The following POLR3B variants were observed in gnomAD, a reference collection of about 807,000 sequenced individuals.
POLR3B encodes the protein DNA-directed RNA polymerase III subunit RPC2.
POLR3B carries 96 observed loss-of-function variants against 147.4 expected under a neutral mutation model. The ratio of observed to expected loss-of-function variants is 0.65; its 90% CI spans 0.55 to 0.77. POLR3B has a LOEUF of 0.77. Ranked by LOEUF, POLR3B falls within the 30% of genes least tolerant of loss-of-function variation. The pLI is 0.00. For synonymous variants in POLR3B, 461 were observed against 485.9 expected (o/e 0.95, Z 0.67); for missense variants, 1,036 against 1,413.5 (o/e 0.73, Z 4.28).
intron 10 of POLR3B, among the ~76,000 whole-genome samples, chr12:106,399,622 G>A (rs534364214): frequency 8.1e-4 from 124 of 152,300 alleles, no homozygotes; most frequent in African/African-American, 2.7e-3. Context: ...GACTAACAGC[G>A]GATCTCTCAG....
chr12:106,500,432 A>G (rs2038580538), intron 25 of POLR3B, among the ~76,000 whole-genome samples: 1 of 152,190 alleles, frequency 6.6e-6, no homozygotes, highest in South Asian at 2.1e-4. Flanking sequence ...CAAAGGAGAC[A>G]AAGTGCTTAT....
chr12:106,400,473 A>G (rs533326740), intron 10 of POLR3B, among the ~76,000 whole-genome samples: 1 of 152,336 alleles, frequency 6.6e-6, no homozygotes, highest in South Asian at 2.1e-4. Context: ...CACCAAGTGG[A>G]CCTAATAGAC....
intron 6 of POLR3B, among the ~76,000 whole-genome samples, chr12:106,375,637 A>G (rs1307978025): frequency 6.6e-6 from 1 of 152,208 alleles, no homozygotes; most frequent in Non-Finnish European, 1.5e-5. Flanking sequence ...TTTTTAAGTT[A>G]GTGCTTAAAA....
In POLR3B at chr12:106,509,402, T is replaced by G. The variant is rs113184747; in HGVS notation, c.3273-18T>G. 2.9e-5 allele frequency: 46 copies of G among 1,613,370 alleles called. 1 individual carries two copies. In the African/African-American group the frequency reaches 5.3e-4, roughly 19 times the overall value. On this transcript the variant is annotated intron_variant, in intron 27 of 27. Coordinates refer to ENST00000228347, the MANE Select transcript of POLR3B (RefSeq NM_018082.6). ...TCCGAGTTGCTGTCTGTCTAACGCT[T>G]GCTGACTTGCGTTTCAGGTGCCATT...
Position 106,407,414 on chromosome 12 carries a change from A to G in POLR3B, c.966+1438A>G, listed in dbSNP as rs373671102. Reference sequence around the variant, plus strand: ...ATACGTAAAGCTCTGTATTTTCCACAGCTCCCCATGTAGTTCTCAGGAGCT... The same window carrying G: ...ATACGTAAAGCTCTGTATTTTCCACGGCTCCCCATGTAGTTCTCAGGAGCT... On this transcript the variant is annotated intron_variant, in intron 11 of 27. Transcript: ENST00000228347. 1.0e-3 allele frequency among the ~76,000 whole-genome samples: 155 copies of G among 152,286 alleles called. 2 individuals carry two copies. In the South Asian group the frequency reaches 0.03, roughly 30 times the overall value.
At chr12:106,360,337 T>A (rs879362513) in intron 1 of POLR3B, among the ~76,000 whole-genome samples, 42 of 152,226 alleles carry the variant, frequency 2.8e-4, no homozygotes, top group African/African-American at 9.9e-4. Flanking sequence ...CAGTGCTTAC[T>A]TCTCTAGTCT....
chr12:106,441,782 A>G (rs914617318), intron 18 of POLR3B, among the ~76,000 whole-genome samples: 2 of 152,194 alleles, frequency 1.3e-5, no homozygotes, highest in African/African-American at 4.8e-5. Flanking sequence ...CTTTATACAC[A>G]GTGAATAAGA....
chr12:106,448,682 C>T (rs2037758650), intron 19 of POLR3B, among the ~76,000 whole-genome samples: 1 of 151,726 alleles, frequency 6.6e-6, no homozygotes, highest in Admixed American at 6.6e-5. Flanking sequence ...TCAGGTGATC[C>T]ACCTGCCTTG....
intron 19 of POLR3B, among the ~76,000 whole-genome samples, chr12:106,448,623 A>G (rs903892346): frequency 1.3e-5 from 2 of 150,888 alleles, no homozygotes; most frequent in Non-Finnish European, 3.0e-5. Context: ...GTTTTTTAGT[A>G]GAGACAGGGT....
intron 11 of POLR3B, among the ~76,000 whole-genome samples, chr12:106,406,475 G>T (rs1371245619): frequency 6.6e-6 from 1 of 152,178 alleles, no homozygotes; most frequent in Non-Finnish European, 1.5e-5. Context: ...CTGGACTTAA[G>T]TACATTCACA....
At chr12:106,366,802 C>T in intron 4 of POLR3B, 80 bp downstream of exon 4, 1 of 1,163,934 alleles carries the variant, frequency 8.6e-7, no homozygotes. Flanking sequence ...TATCAAAACT[C>T]TTTTAAAATC....
chr12:106,410,782 A>G lies in POLR3B; in HGVS notation c.967-44A>G, dbSNP rs1302175522. On this transcript the variant is annotated intron_variant, in intron 11 of 27. Coordinates refer to ENST00000228347, the MANE Select transcript of POLR3B (RefSeq NM_018082.6). ...CTTTTCTTGAGGTACGTTAAATTTT[A>G]ATGTCCATTTTCTCAAAATTTTTCT... 5 of 1,565,208 alleles carry G rather than the reference A, an allele frequency of 3.2e-6. No homozygotes were observed. In the Admixed American group the frequency reaches 5.0e-5, roughly 16 times the overall value.
intron 22 of POLR3B, among the ~76,000 whole-genome samples, chr12:106,462,188 T>G (rs752365168): frequency 6.6e-6 from 1 of 152,230 alleles, no homozygotes; most frequent in African/African-American, 2.4e-5. Context: ...CTGGAGTTCT[T>G]GTTAACTGTC....
At chr12:106,399,179 C>T (rs534505105) in intron 10 of POLR3B, among the ~76,000 whole-genome samples, 7 of 152,180 alleles carry the variant, frequency 4.6e-5, no homozygotes, top group African/African-American at 7.2e-5. Context: ...AACTATGTGA[C>T]GAATGCAGAA....
chr12:106,414,988 A>G (rs2037281647), intron 12 of POLR3B, among the ~76,000 whole-genome samples: 2 of 152,194 alleles, frequency 1.3e-5, no homozygotes, highest in Non-Finnish European at 1.5e-5. Context: ...CTGAGCTACG[A>G]ACCTCTATGT....
chr12:106,360,991 A>G (rs940357669), intron 1 of POLR3B, among the ~76,000 whole-genome samples: 1 of 152,220 alleles, frequency 6.6e-6, no homozygotes, highest in African/African-American at 2.4e-5. Context: ...GTGCGGAAGC[A>G]TTCCAGATAG....
intron 20 of POLR3B, among the ~76,000 whole-genome samples, chr12:106,456,342 C>T (rs2037862600): frequency 6.6e-6 from 1 of 151,838 alleles, no homozygotes. Flanking sequence ...CTTTTCTGAT[C>T]CATTGCTAGA....
chr12:106,359,945 C>T (rs2136873825), intron 1 of POLR3B, among the ~76,000 whole-genome samples: 1 of 152,300 alleles, frequency 6.6e-6, no homozygotes, highest in South Asian at 2.1e-4. Flanking sequence ...TATTTCTTAT[C>T]TGAATTTACA....
intron 10 of POLR3B, among the ~76,000 whole-genome samples, chr12:106,400,506 A>C (rs2037046921): frequency 1.3e-5 from 2 of 152,222 alleles, no homozygotes; most frequent in South Asian, 4.1e-4. Flanking sequence ...CTCCACCCCA[A>C]ATCAACAGAA....
Sources: gnomAD v4.1 joint callset for allele counts (sites outside exome capture counted in the v4.1 genomes callset) on GRCh38, gnomAD v4.1.1 for gene constraint, MANE v1.5 for transcripts, NCBI Gene and HGNC (gene_info 2026-07-23, HGNC 2026-07-21) for gene names.